CHEK2: variants seen among roughly 807,000 people sequenced by gnomAD.
CHEK2 encodes the protein checkpoint kinase 2.
A neutral mutation model predicts 69.1 loss-of-function variants in CHEK2; 71 were observed. That is an observed-to-expected ratio of 1.03 (90% CI 0.85 to 1.25). CHEK2 has a LOEUF of 1.25. Among genes scored for constraint, CHEK2 ranks in the 50% most tolerant of loss-of-function variants. The pLI, the probability that CHEK2 is intolerant of heterozygous loss-of-function variation, is 0.00. For synonymous variants in CHEK2, 189 were observed against 226.9 expected, an observed-to-expected ratio of 0.83 and a Z score of 1.50; for missense variants, 664 against 649.6, an observed-to-expected ratio of 1.02 and a Z score of -0.24.
At chr22:28,689,355 G>A (rs968907192) in intron 13 of CHEK2, 140 bp from the exon 14 acceptor site, 34 of 742,904 alleles carry the variant, frequency 4.6e-5, no homozygotes, top group Non-Finnish European at 7.3e-5. Flanking sequence ...CTCCCACAGC[G>A]AAGGCATTAT....
At chr22:28,739,121 T>A (rs1304732116) in intron 1 of CHEK2, among the ~76,000 whole-genome samples, 1 of 151,528 alleles carries the variant, frequency 6.6e-6, no homozygotes, top group Non-Finnish European at 1.5e-5. Context: ...ATACAAAAAA[T>A]TAGCTGGGCA....
At chr22:28,736,731 C>A (rs1323297253) in intron 1 of CHEK2, among the ~76,000 whole-genome samples, 1 of 152,014 alleles carries the variant, frequency 6.6e-6, no homozygotes, top group South Asian at 2.1e-4. Context: ...CTTGAGGCCA[C>A]GAGTTCAATA....
intron 8 of CHEK2, among the ~76,000 whole-genome samples, chr22:28,701,771 G>T (rs997038683): frequency 6.6e-6 from 1 of 152,094 alleles, no homozygotes; most frequent in Non-Finnish European, 1.5e-5. Context: ...CCTGGTCCTG[G>T]ATTGAAAGGA....
chr22:28,728,982 A>AG (rs397734730), intron 2 of CHEK2, among the ~76,000 whole-genome samples: 1 of 151,648 alleles, frequency 6.6e-6, no homozygotes, highest in Non-Finnish European at 1.5e-5. Flanking sequence ...CTCAAAAAAA[A>AG]GAAAAAAGAA....
At chr22:28,702,987 CATTTT>C (rs1418370773) in intron 8 of CHEK2, among the ~76,000 whole-genome samples, 1 of 152,028 alleles carries the variant, frequency 6.6e-6, no homozygotes, top group African/African-American at 2.4e-5. Flanking sequence ...TACAACCATC[CATTTT>C]ATTTTTCTAA....
chr22:28,700,437 A>C (rs1252863389), intron 8 of CHEK2, among the ~76,000 whole-genome samples: 1 of 152,048 alleles, frequency 6.6e-6, no homozygotes, highest in Non-Finnish European at 1.5e-5. Flanking sequence ...TTGGTCTCAA[A>C]TTCCTGGCCT....
chr22:28,725,921 A>G (rs2053991890), intron 2 of CHEK2, among the ~76,000 whole-genome samples: 1 of 149,000 alleles, frequency 6.7e-6, no homozygotes, highest in South Asian at 2.1e-4. Context: ...AAAAAAAAAA[A>G]TGGCCAGGTG....
At chr22:28,702,202 C>T (rs2052894226) in intron 8 of CHEK2, among the ~76,000 whole-genome samples, 1 of 145,340 alleles carries the variant, frequency 6.9e-6, no homozygotes, top group African/African-American at 2.5e-5. Flanking sequence ...ACCATATTGC[C>T]CAGGCTGTAT....
intron 13 of CHEK2, among the ~76,000 whole-genome samples, chr22:28,690,964 G>A (rs1361637036): frequency 6.6e-6 from 1 of 152,160 alleles, no homozygotes; most frequent in Non-Finnish European, 1.5e-5. Context: ...GGAGGCCAAG[G>A]CAGGGCAGAT....
chr22:28,696,916 C>T lies in CHEK2; in HGVS notation c.1080G>A (p.Glu360=), dbSNP rs1601726685. ...AATTTCTTACCTTTATAAGACAGTC[C>T]TCTTCTTGAGATGACAGTAAAACAT... ...PENVLLSSQE[E]DCLIKITDFG... is the part of the protein sequence containing the mutation. The change falls in exon 10 of 15, where the codon GAG becomes GAA. Residue 360 remains glutamate (E), a synonymous_variant. Coordinates refer to ENST00000404276, the MANE Select transcript of CHEK2 (RefSeq NM_007194.4). 6.8e-6 allele frequency: 11 copies of T among 1,610,460 alleles called. No individual in the cohort carries two copies. Among genetic ancestry groups the T allele is most frequent in the Non-Finnish European group, 9.3e-6 (11 of 1,176,744 alleles).
At chr22:28,731,596 A>AAATAAT (rs541345968) in intron 2 of CHEK2, among the ~76,000 whole-genome samples, 2 of 151,574 alleles carry the variant, frequency 1.3e-5, no homozygotes, top group Non-Finnish European at 2.9e-5. Flanking sequence ...ACTCCGTCTC[A>AAATAAT]AATAATAATA....
Position 28,687,889 on chromosome 22 carries a change from C to T in CHEK2, c.*8G>A, listed in dbSNP as rs955052906. The T allele has an allele frequency of 6.3e-7, 1 of 1,593,742 alleles. No homozygotes were observed. Among genetic ancestry groups the T allele is most frequent in the Non-Finnish European group, 8.5e-7 (1 of 1,177,454 alleles). ...AGGTACATTTCTTTCGTGTTCAAACCACGGAGTTCACAACACAGCAGCACA... is the reference window on the plus strand; with the variant it reads ...AGGTACATTTCTTTCGTGTTCAAACTACGGAGTTCACAACACAGCAGCACA... On this transcript the variant is annotated 3_prime_UTR_variant, in exon 15 of 15. Transcript: ENST00000404276.
rs550667569 is a variant in CHEK2, at chr22:28,714,568, T to C, written c.684-2551A>G. ...TTATCAGATATAGGGCTTGCAAATA[T>C]TTAATCATTCTGTTGGTTTTGTTTT... On this transcript the variant is annotated intron_variant, in intron 5 of 14. Coordinates refer to ENST00000404276, the MANE Select transcript of CHEK2 (RefSeq NM_007194.4). 2.6e-5 allele frequency among the ~76,000 whole-genome samples: 4 copies of C among 152,340 alleles called. No homozygotes were observed. The South Asian group carries it at 6.2e-4, about 24-fold the overall frequency.
At chr22:28,720,092 AT>A (rs66862903) in intron 4 of CHEK2, among the ~76,000 whole-genome samples, 28,207 of 134,216 alleles carry the variant, frequency 0.21, 2,676 homozygotes, top group East Asian at 0.39. Flanking sequence ...AAAAAAAGTA[AT>A]TTTTTTTTTT....
At chr22:28,727,287 C>T (rs753237106) in intron 2 of CHEK2, among the ~76,000 whole-genome samples, 7 of 152,180 alleles carry the variant, frequency 4.6e-5, no homozygotes, top group African/African-American at 7.2e-5. Flanking sequence ...GTGATCCGCC[C>T]GCCTCGGCCT....
chr22:28,739,058 C>A (rs1469328705), intron 1 of CHEK2, among the ~76,000 whole-genome samples: 1 of 152,064 alleles, frequency 6.6e-6, no homozygotes, highest in Non-Finnish European at 1.5e-5. Flanking sequence ...CATCTGAGGT[C>A]AGGAGTTCAA....
intron 14 of CHEK2, among the ~76,000 whole-genome samples, chr22:28,688,369 A>G (rs1039126926): frequency 2.0e-5 from 3 of 152,232 alleles, no homozygotes; most frequent in African/African-American, 7.2e-5. Flanking sequence ...GTTTTCCCAT[A>G]TATAAAATTG....
chr22:28,714,605 A>G (rs1050430592), intron 5 of CHEK2, among the ~76,000 whole-genome samples: 1 of 152,180 alleles, frequency 6.6e-6, no homozygotes, highest in African/African-American at 2.4e-5. Context: ...ACTTATTGAT[A>G]GGTATCTTTT....
intron 5 of CHEK2, chr22:28,712,344 A>G (rs1303937614): frequency 1.4e-5 from 5 of 356,028 alleles, no homozygotes; most frequent in Non-Finnish European, 2.6e-5. Flanking sequence ...TCAGAAAAAC[A>G]TTAACTAGAA....
Sources: allele counts gnomAD v4.1 joint callset (sites outside exome capture counted in the v4.1 genomes callset), GRCh38; gene constraint gnomAD v4.1.1; transcripts MANE v1.5; gene names NCBI Gene and HGNC (gene_info 2026-07-23, HGNC 2026-07-21).